Variants in PCCA observed in about 807,000 individuals in gnomAD.
The protein encoded by PCCA is propionyl-CoA carboxylase alpha chain, mitochondrial.
Under a neutral mutation model 101.3 loss-of-function variants are expected in PCCA, and 74 were observed. The observed-to-expected ratio is 0.73, with a 90% CI of 0.61 to 0.89. PCCA has a LOEUF of 0.89. PCCA is among the 40% of genes least tolerant of loss of function. The probability of loss-of-function intolerance (pLI) is 0.00; values close to 1 mark genes in which losing one functional copy is unlikely to be tolerated. For missense variants in PCCA, 891 were observed against 907.0 expected, an observed-to-expected ratio of 0.98 and a Z score of 0.23; for synonymous variants, 294 against 313.6, an observed-to-expected ratio of 0.94 and a Z score of 0.66.
chr13:100,485,339 G>A (rs944995360), intron 21 of PCCA, among the ~76,000 whole-genome samples: 3 of 152,226 alleles, frequency 2.0e-5, no homozygotes, highest in Admixed American at 1.3e-4. Context: ...AGCTGTGGCA[G>A]CCCTGCTGAT....
chr13:100,212,114 T>C (rs566089007), intron 7 of PCCA, among the ~76,000 whole-genome samples: 3 of 152,026 alleles, frequency 2.0e-5, no homozygotes, highest in Non-Finnish European at 4.4e-5. Flanking sequence ...CAGTTGCTTC[T>C]TATATAGCTC....
Position 100,232,334 on chromosome 13 carries a change from A to ATGTG in PCCA, c.601-3498_601-3495dup, listed in dbSNP as rs749169180. ...CCATGGTAGCTAGCTGTTTATGTTT[A>ATGTG]TGTGTGTGTGTGTATGCGTGTGTGT... is the stretch of plus-strand genomic sequence containing the variant. On this transcript the variant is annotated intron_variant, in intron 7 of 23. Coordinates refer to ENST00000376285, the MANE Select transcript of PCCA (RefSeq NM_000282.4). 3.7e-5 allele frequency among the ~76,000 whole-genome samples: 4 copies of ATGTG among 108,856 alleles called. 1 individual carries two copies. The highest frequency in any genetic ancestry group is 1.4e-4 in the African/African-American group (4 of 29,088). 71.4% of individuals were successfully genotyped at this position (108,856 alleles called of 152,430 possible).
At chr13:100,410,746 C>T (rs2077998402) in intron 19 of PCCA, among the ~76,000 whole-genome samples, 1 of 152,146 alleles carries the variant, frequency 6.6e-6, no homozygotes, top group Non-Finnish European at 1.5e-5. Context: ...TGTCCACTGA[C>T]AACCTAGCAC....
intron 1 of PCCA, among the ~76,000 whole-genome samples, chr13:100,099,883 A>G (rs775450647): frequency 1.3e-5 from 2 of 152,182 alleles, no homozygotes; most frequent in African/African-American, 2.4e-5. Flanking sequence ...GAAACTTTCT[A>G]TATATCTAGG....
At chr13:100,236,410 T>C (rs2152522957) in intron 8 of PCCA, 1 of 154,638 alleles carries the variant, frequency 6.5e-6, no homozygotes, top group East Asian at 1.9e-4. Flanking sequence ...TACATGTACT[T>C]GTATTTGGGC....
chr13:100,488,898 AT>A (rs1352850325), intron 21 of PCCA, among the ~76,000 whole-genome samples: 2 of 151,078 alleles, frequency 1.3e-5, no homozygotes, highest in African/African-American at 2.4e-5. Flanking sequence ...CCCCACTTTT[AT>A]TTTTTTTCAC....
chr13:100,348,789 T>TTTTCTCTCTCTTTTTC (rs1566976700), intron 18 of PCCA, among the ~76,000 whole-genome samples: 42 of 56,808 alleles, frequency 7.4e-4, no homozygotes, highest in African/African-American at 2.1e-3. Context: ...TCTTTCTTTC[T>TTTTCTCTCTCTTTTTC]TCCTTCCTTC....
intron 21 of PCCA, among the ~76,000 whole-genome samples, chr13:100,457,216 T>A (rs2152936072): frequency 1.3e-5 from 2 of 152,342 alleles, no homozygotes; most frequent in East Asian, 3.9e-4. Flanking sequence ...CTAATTTGTA[T>A]TATGACTATT....
chr13:100,421,349 C>G (rs1162879117), intron 19 of PCCA, among the ~76,000 whole-genome samples: 1 of 152,146 alleles, frequency 6.6e-6, no homozygotes, highest in Non-Finnish European at 1.5e-5. Flanking sequence ...CAGAGATACT[C>G]TTTGCATTTA....
intron 17 of PCCA, among the ~76,000 whole-genome samples, chr13:100,332,055 C>T (rs979554632): frequency 5.3e-5 from 8 of 151,520 alleles, no homozygotes; most frequent in Middle Eastern, 3.5e-3. Context: ...TCTCCTGCCG[C>T]AGCGTCCCAA....
chr13:100,351,139 T>C (rs933937315), intron 18 of PCCA, among the ~76,000 whole-genome samples: 1 of 152,222 alleles, frequency 6.6e-6, no homozygotes, highest in Admixed American at 6.5e-5. Flanking sequence ...GAATTGAAAC[T>C]AAATCAACAC....
chr13:100,255,075 A>G (rs2061989703), intron 8 of PCCA, among the ~76,000 whole-genome samples: 2 of 152,222 alleles, frequency 1.3e-5, no homozygotes, highest in Non-Finnish European at 2.9e-5. Flanking sequence ...ACAGAGCGAG[A>G]CCAAAAACAA....
chr13:100,175,862 C>G (rs2056188394), intron 6 of PCCA, among the ~76,000 whole-genome samples: 1 of 152,178 alleles, frequency 6.6e-6, no homozygotes, highest in South Asian at 2.1e-4. Flanking sequence ...CTTTTTGTGA[C>G]TGCTTTTCCA....
intron 4 of PCCA, among the ~76,000 whole-genome samples, chr13:100,121,798 C>T (rs997848856): frequency 1.3e-5 from 2 of 152,110 alleles, no homozygotes; most frequent in East Asian, 3.9e-4. Flanking sequence ...AAGATCATGT[C>T]ATGTGTGAAT....
rs570072926 is a variant in PCCA at position 100,435,161 on chromosome 13, C to T, written c.1845+9430C>T. ...ATGGCTCATGGTTCTGCCAGCTGTACAGGAAGTATGGTGCCAGCATCTGCT... is the reference window on the plus strand; with the variant it reads ...ATGGCTCATGGTTCTGCCAGCTGTATAGGAAGTATGGTGCCAGCATCTGCT... On this transcript the variant is annotated intron_variant, in intron 20 of 23. Transcript: ENST00000376285. 2.6e-5 allele frequency among the ~76,000 whole-genome samples: 4 copies of T among 152,262 alleles called. No homozygotes were observed. The South Asian group carries it at 8.3e-4, about 32-fold the overall frequency.
intron 18 of PCCA, among the ~76,000 whole-genome samples, chr13:100,345,438 G>A (rs2072034747): frequency 1.3e-5 from 2 of 152,206 alleles, no homozygotes; most frequent in South Asian, 2.1e-4. Context: ...CTAGAGCAAG[G>A]CCCTAACTCT....
At chr13:100,414,248 A>C (rs1191722772) in intron 19 of PCCA, among the ~76,000 whole-genome samples, 1 of 152,210 alleles carries the variant, frequency 6.6e-6, no homozygotes, top group East Asian at 1.9e-4. Flanking sequence ...GAGAGAAATA[A>C]AAGGCTGTTT....
intron 19 of PCCA, among the ~76,000 whole-genome samples, chr13:100,406,436 C>T (rs983153478): frequency 1.3e-5 from 2 of 152,182 alleles, no homozygotes; most frequent in Admixed American, 6.5e-5. Context: ...CGGGTGCGGC[C>T]GCTCACGCCT....
At chr13:100,154,530 C>T in intron 4 of PCCA, 1 of 226,940 alleles carries the variant, frequency 4.4e-6, no homozygotes, top group Non-Finnish European at 8.8e-6. Context: ...TGATGCTGTG[C>T]AGGGACACTC....
Sources: gnomAD v4.1 joint callset for allele counts (sites outside exome capture counted in the v4.1 genomes callset) on GRCh38, gnomAD v4.1.1 for gene constraint, MANE v1.5 for transcripts, NCBI Gene and HGNC (gene_info 2026-07-23, HGNC 2026-07-21) for gene names.